Variants in ARHGAP12 observed in about 807,000 individuals in gnomAD.
The protein encoded by ARHGAP12 is rho GTPase-activating protein 12.
Under a neutral mutation model 108.6 loss-of-function variants are expected in ARHGAP12, and 64 were observed. The ratio of observed to expected loss-of-function variants is 0.59; its 90% confidence interval spans 0.48 to 0.73. ARHGAP12 has a LOEUF of 0.73. ARHGAP12 is among the 30% of genes least tolerant of loss of function. The pLI is 0.00. For missense variants in ARHGAP12, 940 were observed against 1,005.9 expected (o/e 0.93, Z 0.89); for synonymous variants, 312 against 337.2 (o/e 0.93, Z 0.82).
At chr10:31,808,548 A>G in intron 19 of ARHGAP12, 101 bp downstream of exon 19, 2 of 969,938 alleles carry the variant, frequency 2.1e-6, no homozygotes, top group Non-Finnish European at 3.2e-6. Flanking sequence ...AGCAAGTAGC[A>G]TAGCTGGGAT....
intron 1 of ARHGAP12, among the ~76,000 whole-genome samples, chr10:31,916,707 C>G (rs1159607268): frequency 6.6e-6 from 1 of 152,098 alleles, no homozygotes; most frequent in Non-Finnish European, 1.5e-5. Context: ...ATCTCTGCCA[C>G]CCGGGTTCAA....
chr10:31,872,726 A>G (rs1002562562), intron 3 of ARHGAP12, among the ~76,000 whole-genome samples: 1 of 152,196 alleles, frequency 6.6e-6, no homozygotes, highest in Non-Finnish European at 1.5e-5. Flanking sequence ...AAAAACATCA[A>G]TGAAAATTTC....
rs115370315 is a variant in ARHGAP12 at position 31,902,131 on chromosome 10, A to G, written c.684+6041T>C. Among the ~76,000 whole-genome samples the G allele has an allele frequency of 9.1e-3, 1,383 of 152,306 alleles. 22 individuals carry two copies. Among genetic ancestry groups the G allele is most frequent in the African/African-American group, 0.031 (1,293 of 41,562 alleles). On this transcript the variant is annotated intron_variant, in intron 3 of 19. Transcript: ENST00000344936. ...AGAGAAATCAGTTTATCTGATTTCG[A>G]TACTTATTGTATAGCTATGGTAAAT...
chr10:31,864,129 T>C (rs1337254191), intron 3 of ARHGAP12, among the ~76,000 whole-genome samples: 3 of 151,926 alleles, frequency 2.0e-5, no homozygotes, highest in Non-Finnish European at 4.4e-5. Flanking sequence ...ATTAAACTCA[T>C]AAAATACGTA....
chr10:31,923,358 T>A (rs962227480), intron 1 of ARHGAP12, among the ~76,000 whole-genome samples: 31 of 152,150 alleles, frequency 2.0e-4, no homozygotes, highest in Non-Finnish European at 4.1e-4. Context: ...CACACAAAGC[T>A]GGTGAGGATG....
chr10:31,809,903 T>C (rs1246127740), intron 16 of ARHGAP12, among the ~76,000 whole-genome samples: 1 of 152,210 alleles, frequency 6.6e-6, no homozygotes. Context: ...GATAATAATG[T>C]ACAAATTTAC....
chr10:31,839,002 C>A (rs188900359), intron 9 of ARHGAP12, among the ~76,000 whole-genome samples: 1 of 151,784 alleles, frequency 6.6e-6, no homozygotes, highest in Admixed American at 6.6e-5. Flanking sequence ...GACAACAGAG[C>A]GCAACCATGT....
At chr10:31,827,625 A>C (rs1835665589) in intron 10 of ARHGAP12, among the ~76,000 whole-genome samples, 1 of 152,122 alleles carries the variant, frequency 6.6e-6, no homozygotes, top group Admixed American at 6.5e-5. Flanking sequence ...CCTCGTCTCT[A>C]CTAAAAATAC....
intron 3 of ARHGAP12, among the ~76,000 whole-genome samples, chr10:31,877,863 G>A (rs183715807): frequency 4.2e-4 from 64 of 152,300 alleles, no homozygotes; most frequent in African/African-American, 1.5e-3. Context: ...AAGTCAAGGC[G>A]GGCACATAGC....
At chr10:31,914,201 G>A (rs565675251) in intron 1 of ARHGAP12, among the ~76,000 whole-genome samples, 6 of 152,068 alleles carry the variant, frequency 3.9e-5, no homozygotes, top group South Asian at 4.1e-4. Context: ...TTTTGCTTTC[G>A]TTGCCTGTGT....
chr10:31,825,088 G>A (rs910691354), intron 11 of ARHGAP12, among the ~76,000 whole-genome samples: 1 of 152,104 alleles, frequency 6.6e-6, no homozygotes, highest in Non-Finnish European at 1.5e-5. Flanking sequence ...TGGCTGAACA[G>A]GGAGCAAATT....
chr10:31,911,215 G>A (rs1839331749), intron 1 of ARHGAP12, among the ~76,000 whole-genome samples: 1 of 152,100 alleles, frequency 6.6e-6, no homozygotes, highest in Non-Finnish European at 1.5e-5. Context: ...TTAGAGATGG[G>A]GTTTTGCCAT....
intron 19 of ARHGAP12, 47 bp from the exon 20 acceptor site, chr10:31,807,879 G>A (rs762065030): frequency 7.3e-7 from 1 of 1,360,684 alleles, no homozygotes; most frequent in Admixed American, 2.7e-5. Context: ...AAGAGAGAGG[G>A]AAAATTCTTC....
At chr10:31,867,123 T>TG (rs1409953160) in intron 3 of ARHGAP12, among the ~76,000 whole-genome samples, 3 of 151,456 alleles carry the variant, frequency 2.0e-5, no homozygotes, top group Admixed American at 6.6e-5. Context: ...TTTTTGTTTT[T>TG]TTTTTTTTTG....
chr10:31,877,146 G>C (rs1837762073), intron 3 of ARHGAP12, among the ~76,000 whole-genome samples: 1 of 152,168 alleles, frequency 6.6e-6, no homozygotes, highest in Non-Finnish European at 1.5e-5. Flanking sequence ...CTAATTTCTT[G>C]CTCAGCATTT....
chr10:31,843,688 C>T (rs578193062), intron 6 of ARHGAP12, 102 bp from the exon 7 acceptor site: 6 of 1,330,782 alleles, frequency 4.5e-6, no homozygotes, highest in African/African-American at 3.0e-5. Context: ...GACTGTTAGG[C>T]GAAGTTCATT....
chr10:31,826,256 T>C (rs575343595), intron 11 of ARHGAP12, 48 bp downstream of exon 11: 1 of 1,465,114 alleles, frequency 6.8e-7, no homozygotes, highest in African/African-American at 1.4e-5. Flanking sequence ...TACGATACTA[T>C]TCACATAATT....
chr10:31,878,135 ATCT>A (rs1418293809), intron 3 of ARHGAP12, among the ~76,000 whole-genome samples: 10 of 152,208 alleles, frequency 6.6e-5, no homozygotes, highest in African/African-American at 1.9e-4. Flanking sequence ...GTTATACATA[ATCT>A]TCTTTAAATT....
chr10:31,817,926 T>C, intron 12 of ARHGAP12, 40 bp from the exon 13 acceptor site: 2 of 1,488,722 alleles, frequency 1.3e-6, no homozygotes, highest in East Asian at 4.5e-5. Context: ...TATGGTCAGT[T>C]TGTGCTTTCA....
Sources: gnomAD v4.1 joint callset for allele counts (sites outside exome capture counted in the v4.1 genomes callset) on GRCh38, gnomAD v4.1.1 for gene constraint, MANE v1.5 for transcripts, NCBI Gene and HGNC (gene_info 2026-07-23, HGNC 2026-07-21) for gene names.